Variants in AGPAT4 observed in about 807,000 individuals in gnomAD.
The protein encoded by AGPAT4 is 1-acylglycerol-3-phosphate O-acyltransferase 4.
A neutral mutation model predicts 48.0 loss-of-function variants in AGPAT4; 15 were observed. That is an observed-to-expected ratio of 0.31 (90% CI 0.21 to 0.48). AGPAT4 has a LOEUF of 0.48. Among genes scored for constraint, AGPAT4 ranks in the 20% least tolerant of loss-of-function variants. The probability of loss-of-function intolerance (pLI) is 0.99; values close to 1 mark genes in which losing one functional copy is unlikely to be tolerated. For synonymous variants in AGPAT4, 178 were observed against 198.7 expected, an observed-to-expected ratio of 0.90 and a Z score of 0.88; for missense variants, 314 against 482.5, an observed-to-expected ratio of 0.65 and a Z score of 3.27.
Position 161,255,432 on chromosome 6 carries a change from C to A in AGPAT4, c.-90+18506G>T, listed in dbSNP as rs74777808. On this transcript the variant is annotated intron_variant, in intron 1 of 8. Coordinates refer to ENST00000320285, the MANE Select transcript of AGPAT4 (RefSeq NM_020133.3). The surrounding 1 kb of genome is among the most constrained non-coding windows in gnomAD (Gnocchi z 4.7). ...AAATCTTGTACACCCACGTTCACGG[C>A]AGCGTTGCTCTCGATAGCCAAAGGC... is the stretch of plus-strand genomic sequence containing the variant. Among the ~76,000 whole-genome samples, 677 of 152,310 alleles carry A rather than the reference C, an allele frequency of 4.4e-3. 10 individuals are homozygous for A. The highest frequency in any genetic ancestry group is 0.033 in the East Asian group (171 of 5,190).
rs913252920 is a variant in AGPAT4, at chr6:161,233,756, G to T, written c.-89-1454C>A. On this transcript the variant is annotated intron_variant, in intron 1 of 8. Coordinates refer to ENST00000320285, the MANE Select transcript of AGPAT4 (RefSeq NM_020133.3). The surrounding 1 kb of genome is among the most constrained non-coding windows in gnomAD (Gnocchi z 5.4). ...AACGATGATGTTTGGTAGGTGAGGTGCATGCAATGCCTTTTTGACCTACAG... is the reference window on the plus strand; with the variant it reads ...AACGATGATGTTTGGTAGGTGAGGTTCATGCAATGCCTTTTTGACCTACAG... 1.3e-5 allele frequency among the ~76,000 whole-genome samples: 2 copies of T among 152,196 alleles called. No individual in the cohort carries two copies. The highest frequency in any genetic ancestry group is 4.8e-5 in the African/African-American group (2 of 41,456).
intron 2 of AGPAT4, among the ~76,000 whole-genome samples, chr6:161,192,112 T>C: frequency 6.7e-6 from 1 of 149,728 alleles, no homozygotes; most frequent in African/African-American, 2.5e-5. Context: ...GCAATAAACA[T>C]TTTTTCCCTC....
rs1562318197 is a variant in AGPAT4, at chr6:161,161,022, G to GA, written c.348+5225dup. The GA allele has an allele frequency of 4.7e-6, 2 of 426,040 alleles. No homozygotes were observed. The highest frequency in any genetic ancestry group is 5.0e-5 in the Admixed American group (2 of 40,016). The allele number at this position is 426,040 out of a possible 1,614,324, so 26.4% of individuals were successfully genotyped here. On this transcript the variant is annotated intron_variant, in intron 3 of 8. Coordinates refer to ENST00000320285, the MANE Select transcript of AGPAT4 (RefSeq NM_020133.3). The surrounding 1 kb of genome is among the most constrained non-coding windows in gnomAD (Gnocchi z 4.6). ...TCAGAGGGCCCTAAGCACAGAGCAC[G>GA]AAAGGGGGACAGTTCATGGGATGAT...
intron 2 of AGPAT4, among the ~76,000 whole-genome samples, chr6:161,179,846 C>T (rs1407541327): frequency 6.6e-6 from 1 of 152,192 alleles, no homozygotes; most frequent in Non-Finnish European, 1.5e-5. Flanking sequence ...ATACAAAATA[C>T]ATGTTAATCA....
rs535095675 is a variant in AGPAT4, at chr6:161,221,523, T to C, written c.178+10513A>G. On this transcript the variant is annotated intron_variant, in intron 2 of 8. Transcript: ENST00000320285. This position sits in a 1 kb window ranked among gnomAD's most constrained non-coding sequence, Gnocchi z 4.5. ...AAATAGATACCATATTAATGTGTCA[T>C]TTATCACGAAACTGGACTTCACTTT... Among the ~76,000 whole-genome samples, 144 of 152,310 alleles carry C rather than the reference T, an allele frequency of 9.5e-4. No individual in the cohort carries two copies. The highest frequency in any genetic ancestry group is 1.3e-3 in the Non-Finnish European group (89 of 68,034).
In AGPAT4 at chr6:161,140,814, G is replaced by A. The variant is rs1457645635; in HGVS notation, c.844-1194C>T. On this transcript the variant is annotated intron_variant, in intron 7 of 8. Coordinates refer to ENST00000320285, the MANE Select transcript of AGPAT4 (RefSeq NM_020133.3). This position sits in a 1 kb window ranked among gnomAD's most constrained non-coding sequence, Gnocchi z 6.5. ...CAGGGAATTGCCCAGGTTGTATGGT[G>A]GGCAGCTGCCTCAGCTATTGTAAAA... Among the ~76,000 whole-genome samples, 2 of 152,194 alleles carry A rather than the reference G, an allele frequency of 1.3e-5. No homozygotes were observed. The highest frequency in any genetic ancestry group is 2.9e-5 in the Non-Finnish European group (2 of 68,040).
rs1006743437 is a variant in AGPAT4 at position 161,200,760 on chromosome 6, C to G, written c.178+31276G>C. On this transcript the variant is annotated intron_variant, in intron 2 of 8. Transcript: ENST00000320285. The surrounding 1 kb of genome is among the most constrained non-coding windows in gnomAD (Gnocchi z 5.5). The stretch of plus-strand genomic sequence containing the variant: ...GGCTCCATCTGTTCCTGAAGCCATA[C>G]GGTCCATGTGTTACACTGCCCCCGC... 6.6e-6 allele frequency among the ~76,000 whole-genome samples: 1 copy of G among 152,182 alleles called. No individual in the cohort carries two copies. The highest frequency in any genetic ancestry group is 1.5e-5 in the Non-Finnish European group (1 of 68,020).
chr6:161,176,444 G>A (rs12200174), intron 2 of AGPAT4, among the ~76,000 whole-genome samples: 25,611 of 152,114 alleles, frequency 0.17, 2,229 homozygotes, highest in Non-Finnish European at 0.19. Flanking sequence ...TTTTATCAGA[G>A]ACTAGGATTT....
In AGPAT4 at chr6:161,217,999, G is replaced by A. The variant is rs748860206; in HGVS notation, c.178+14037C>T. Among the ~76,000 whole-genome samples, 5 of 152,268 alleles carry A rather than the reference G, an allele frequency of 3.3e-5. No homozygotes were observed. Among genetic ancestry groups the A allele is most frequent in the Non-Finnish European group, 5.9e-5 (4 of 68,052 alleles). On this transcript the variant is annotated intron_variant, in intron 2 of 8. Coordinates refer to ENST00000320285, the MANE Select transcript of AGPAT4 (RefSeq NM_020133.3). This position sits in a 1 kb window ranked among gnomAD's most constrained non-coding sequence, Gnocchi z 4.9. ...CCTTGTAGCGTAGAGCATGTTCTAT[G>A]TGATGCCTGCAAAGACCAATTGAAC...
Position 161,179,848 on chromosome 6 carries a change from T to C in AGPAT4, c.179-13431A>G, listed in dbSNP as rs532805943. ...AGATATAACACATATACAAAATACA[T>C]GTTAATCAACTGTTTGTTATTGGTA... On this transcript the variant is annotated intron_variant, in intron 2 of 8. Coordinates refer to ENST00000320285, the MANE Select transcript of AGPAT4 (RefSeq NM_020133.3). Among the ~76,000 whole-genome samples the C allele has an allele frequency of 3.9e-5, 6 of 152,376 alleles. No individual in the cohort carries two copies. The East Asian group carries it at 5.8e-4, about 15-fold the overall frequency.
Position 161,267,264 on chromosome 6 carries a change from G to C in AGPAT4, c.-90+6674C>G, listed in dbSNP as rs868569042. ...AACCATAATAAAAACAACACTCCCT[G>C]AAAACTATAGTAGCTTGTCTTATAA... On this transcript the variant is annotated intron_variant, in intron 1 of 8. Coordinates refer to ENST00000320285, the MANE Select transcript of AGPAT4 (RefSeq NM_020133.3). The surrounding 1 kb of genome is among the most constrained non-coding windows in gnomAD (Gnocchi z 5.2). Among the ~76,000 whole-genome samples, 10 of 152,262 alleles carry C rather than the reference G, an allele frequency of 6.6e-5. No homozygotes were observed. The highest frequency in any genetic ancestry group is 3.4e-3 in the Middle Eastern group (1 of 294).
In AGPAT4 at chr6:161,217,862, C is replaced by T. The variant is rs1781695700; in HGVS notation, c.178+14174G>A. Reference sequence around the variant, plus strand: ...AGCTGGTGCCTCTGCTCCCGCGGGGCCCTGCACACACCAGCTCTGGGTTTG... The same window carrying T: ...AGCTGGTGCCTCTGCTCCCGCGGGGTCCTGCACACACCAGCTCTGGGTTTG... On this transcript the variant is annotated intron_variant, in intron 2 of 8. Coordinates refer to ENST00000320285, the MANE Select transcript of AGPAT4 (RefSeq NM_020133.3). This position sits in a 1 kb window ranked among gnomAD's most constrained non-coding sequence, Gnocchi z 4.9. Among the ~76,000 whole-genome samples, 3 of 141,358 alleles carry T rather than the reference C, an allele frequency of 2.1e-5. No homozygotes were observed. The highest frequency in any genetic ancestry group is 2.2e-4 in the South Asian group (1 of 4,548). 92.7% of individuals were successfully genotyped at this position (141,358 alleles called of 152,430 possible). A position where few individuals can be genotyped will look rare whatever the true frequency, so the allele number is the denominator to read the frequency against.
In AGPAT4 at chr6:161,205,801, T is replaced by G. The variant is rs377528039; in HGVS notation, c.178+26235A>C. Among the ~76,000 whole-genome samples, 10 of 152,242 alleles carry G rather than the reference T, an allele frequency of 6.6e-5. No individual in the cohort carries two copies. The South Asian group carries it at 1.5e-3, about 22-fold the overall frequency. ...CAACATAAAACCTTTTATTCTTTTT[T>G]GATCTTCTTTTCAGAGTTGTTTCTT... On this transcript the variant is annotated intron_variant, in intron 2 of 8. Transcript: ENST00000320285.
At chr6:161,191,804 C>T (rs1030825367) in intron 2 of AGPAT4, among the ~76,000 whole-genome samples, 1 of 152,212 alleles carries the variant, frequency 6.6e-6, no homozygotes, top group South Asian at 2.1e-4. Flanking sequence ...GAGAGTTACA[C>T]ATAGCATGGA....
chr6:161,143,363 G>A lies in AGPAT4; in HGVS notation c.843+3161C>T, dbSNP rs1320179859. On this transcript the variant is annotated intron_variant, in intron 7 of 8. Transcript: ENST00000320285. This position sits in a 1 kb window ranked among gnomAD's most constrained non-coding sequence, Gnocchi z 4.7. Reference sequence around the variant, plus strand: ...GTGCTTACTCCCAAAGGGATTACTGGCATGAGCCACTGTGCCCAGCCTCAC... The same window carrying A: ...GTGCTTACTCCCAAAGGGATTACTGACATGAGCCACTGTGCCCAGCCTCAC... Among the ~76,000 whole-genome samples, 2 of 152,172 alleles carry A rather than the reference G, an allele frequency of 1.3e-5. No homozygotes were observed. Among genetic ancestry groups the A allele is most frequent in the East Asian group, 3.9e-4 (2 of 5,190 alleles).
Position 161,272,071 on chromosome 6 carries a change from T to C in AGPAT4, c.-90+1867A>G, listed in dbSNP as rs139606724. The stretch of plus-strand genomic sequence containing the variant: ...TAAATAGTTCTCGTCTTTAACTCCA[T>C]GTGGCTCTGGTTTGTTTTGTGCCAT... On this transcript the variant is annotated intron_variant, in intron 1 of 8. Coordinates refer to ENST00000320285, the MANE Select transcript of AGPAT4 (RefSeq NM_020133.3). This position sits in a 1 kb window ranked among gnomAD's most constrained non-coding sequence, Gnocchi z 4.2. 2.6e-5 allele frequency among the ~76,000 whole-genome samples: 4 copies of C among 152,352 alleles called. No individual in the cohort carries two copies. Among genetic ancestry groups the C allele is most frequent in the African/African-American group, 7.2e-5 (3 of 41,570 alleles).
rs368587139 is a variant in AGPAT4 at position 161,195,522 on chromosome 6, G to A, written c.179-29105C>T. The stretch of plus-strand genomic sequence containing the variant: ...CCAGAGATCTTTAAAAGCTCAAAGC[G>A]CTTCCTAGCGCACACTTCATGTAAC... On this transcript the variant is annotated intron_variant, in intron 2 of 8. Transcript: ENST00000320285. The surrounding 1 kb of genome is among the most constrained non-coding windows in gnomAD (Gnocchi z 5.0). Among the ~76,000 whole-genome samples, 32 of 152,254 alleles carry A rather than the reference G, an allele frequency of 2.1e-4. No homozygotes were observed. Among genetic ancestry groups the A allele is most frequent in the African/African-American group, 6.7e-4 (28 of 41,532 alleles).
chr6:161,161,684 G>C lies in AGPAT4; in HGVS notation c.348+4564C>G. The C allele has an allele frequency of 2.8e-6, 1 of 350,944 alleles. No individual in the cohort carries two copies. Among genetic ancestry groups the C allele is most frequent in the South Asian group, 2.1e-5 (1 of 46,810 alleles). 21.7% of individuals were successfully genotyped at this position (350,944 alleles called of 1,614,324 possible). ...TTCAGCCAAAGAGCCCTTGACAAGT[G>C]CATGTGTATGAAGAAGCTGGGGTAA... On this transcript the variant is annotated intron_variant, in intron 3 of 8. Transcript: ENST00000320285. This position sits in a 1 kb window ranked among gnomAD's most constrained non-coding sequence, Gnocchi z 4.6.
chr6:161,187,816 T>C (rs941096293), intron 2 of AGPAT4, among the ~76,000 whole-genome samples: 16 of 152,302 alleles, frequency 1.1e-4, no homozygotes, highest in African/African-American at 2.9e-4. Flanking sequence ...AGTGCTGGGC[T>C]TACAGGCGTG....
Sources: gnomAD v4.1 joint callset for allele counts (sites outside exome capture counted in the v4.1 genomes callset) on GRCh38, gnomAD v4.1.1 for gene constraint, Gnocchi (gnomAD v3.1) non-coding constraint, MANE v1.5 for transcripts, NCBI Gene and HGNC (gene_info 2026-07-23, HGNC 2026-07-21) for gene names.